A2M: variants seen among roughly 807,000 people sequenced by gnomAD.
A2M encodes the protein alpha-2-macroglobulin.
Under a neutral mutation model 183.9 loss-of-function variants are expected in A2M, and 128 were observed. The ratio of observed to expected loss-of-function variants is 0.70; its 90% CI spans 0.60 to 0.81. A2M has a LOEUF of 0.81. Among genes scored for constraint, A2M ranks in the 30% least tolerant of loss-of-function variants. The probability of loss-of-function intolerance (pLI) is 0.00; values close to 1 mark genes in which losing one functional copy is unlikely to be tolerated. For missense variants in A2M, 1,495 were observed against 1,787.6 expected (o/e 0.84, Z 2.95); for synonymous variants, 592 against 670.8 (o/e 0.88, Z 1.81).
At chr12:9,076,540 G>A (rs933582634) in intron 28 of A2M, among the ~76,000 whole-genome samples, 22 of 152,178 alleles carry the variant, frequency 1.4e-4, no homozygotes, top group African/African-American at 4.3e-4. Flanking sequence ...TAACCCCATC[G>A]TAATTGAGAA....
chr12:9,107,387 T>G (rs1253147009), intron 8 of A2M, 137 bp downstream of exon 8: 4 of 1,096,372 alleles, frequency 3.6e-6, no homozygotes, highest in Non-Finnish European at 5.1e-6. Context: ...TTCATGATTT[T>G]TTTTGAAAAA....
chr12:9,071,505 A>T (rs142960591), intron 31 of A2M, among the ~76,000 whole-genome samples: 6 of 152,236 alleles, frequency 3.9e-5, no homozygotes, highest in Middle Eastern at 3.4e-3. Flanking sequence ...AACTCGTGTC[A>T]TGGGGGTTTG....
intron 8 of A2M, 124 bp downstream of exon 8, chr12:9,107,400 A>G (rs1263724726): frequency 6.7e-6 from 8 of 1,202,320 alleles, no homozygotes; most frequent in Non-Finnish European, 9.1e-6. Flanking sequence ...TTGAAAAATT[A>G]CAATAGCCAA....
At chr12:9,074,888 A>C (rs754222906) in intron 28 of A2M, 105 bp from the exon 29 acceptor site, 24 of 1,182,762 alleles carry the variant, frequency 2.0e-5, no homozygotes, top group Non-Finnish European at 2.3e-5. Flanking sequence ...TGCCCATTAT[A>C]ATCCCCTGTA....
At chr12:9,098,430 TTA>T (rs56165810) in intron 15 of A2M, 175 bp downstream of exon 15, 1,532 of 283,388 alleles carry the variant, frequency 5.4e-3, no homozygotes, top group East Asian at 0.029. Flanking sequence ...AAGTGAGTAG[TTA>T]TATATATATA....
chr12:9,109,822 A>C, intron 6 of A2M, 45 bp downstream of exon 6: 1 of 1,541,082 alleles, frequency 6.5e-7, no homozygotes, highest in Non-Finnish European at 8.8e-7. Flanking sequence ...CTAAGAGTTT[A>C]AATATGAAGA....
chr12:9,115,671 A>G (rs1398694650), intron 1 of A2M, 93 bp downstream of exon 1: 20 of 924,158 alleles, frequency 2.2e-5, no homozygotes, highest in Non-Finnish European at 3.1e-5. Flanking sequence ...AGATGACAGT[A>G]TCATAGGAAA....
At chr12:9,072,985 T>C in intron 29 of A2M, 114 bp from the exon 30 acceptor site, 1 of 710,994 alleles carries the variant, frequency 1.4e-6, no homozygotes, top group Non-Finnish European at 2.3e-6. Context: ...CCTCACTACT[T>C]AAATATAGGA....
intron 22 of A2M, among the ~76,000 whole-genome samples, chr12:9,088,231 C>T (rs970942512): frequency 6.7e-6 from 1 of 149,974 alleles, no homozygotes; most frequent in African/African-American, 2.5e-5. Context: ...AGGGGGGTGA[C>T]ATTAACCTTT....
Position 9,068,833 on chromosome 12 carries a change from G to C in A2M, c.4273C>G (p.Gln1425Glu), listed in dbSNP as rs766672959. 4 of 1,593,208 alleles carry C rather than the reference G, an allele frequency of 2.5e-6. No homozygotes were observed. In the South Asian group the frequency reaches 4.7e-5, roughly 19 times the overall value. ...VLIYLDKVSNQTLSLFFTVLQ... is the reference protein window; with the variant it reads ...VLIYLDKVSNETLSLFFTVLQ... ...ACCGTGAAGAACAAGCTCAGTGTCT[G>C]ATTTGACACCTGGAAAGCAAAAGTC... Residue 1425 changes from glutamine (Q) to glutamate (E), a missense_variant, in exon 34 of 36, where the codon CAG becomes GAG. Gln to Glu is a conservative substitution (Grantham distance 29). Transcript: ENST00000318602.
intron 21 of A2M, 128 bp from the exon 22 acceptor site, chr12:9,089,379 G>A: frequency 1.4e-6 from 1 of 713,740 alleles, no homozygotes; most frequent in East Asian, 2.7e-5. Flanking sequence ...AGAAAATTCT[G>A]TACATATAAG....
chr12:9,080,191 C>A lies in A2M; in HGVS notation c.2771-14G>T. On this transcript the variant is annotated splice_polypyrimidine_tract_variant and intron_variant, in intron 22 of 35. Transcript: ENST00000318602. ...AAACCTCACCACCTAGAGAAATAAG[C>A]AAATCAGACATATGAAAATTATTTC... 6.6e-7 allele frequency: 1 copy of A among 1,515,640 alleles called. No homozygotes were observed. The highest frequency in any genetic ancestry group is 9.0e-7 in the Non-Finnish European group (1 of 1,107,294). The allele number at this position is 1,515,640 out of a possible 1,614,324, so 93.9% of individuals were successfully genotyped here.
chr12:9,077,249 A>G, intron 27 of A2M, 97 bp downstream of exon 27: 2 of 1,164,094 alleles, frequency 1.7e-6, no homozygotes, highest in Non-Finnish European at 2.5e-6. Flanking sequence ...AAGAAAGCTG[A>G]TGCTTTGCTT....
intron 34 of A2M, 56 bp from the exon 35 acceptor site, chr12:9,068,280 A>C: frequency 6.4e-7 from 1 of 1,568,520 alleles, no homozygotes; most frequent in Non-Finnish European, 8.6e-7. Flanking sequence ...GTGAGAAAGA[A>C]AGCAAACATC....
At position 9,101,143 on chromosome 12, in the gene A2M, C is replaced by T; in HGVS notation, c.1558+1G>A. 1 of 1,558,826 alleles carries T rather than the reference C, an allele frequency of 6.4e-7. No individual in the cohort carries two copies. ...AATGCAGAGATGATGGAAATACTCA[C>T]TGTCTTCCTGCTTCACAAGCAGTCC... On this transcript the variant is annotated splice_donor_variant, in intron 13 of 35. Transcript: ENST00000318602. LOFTEE classifies it high-confidence loss of function.
Position 9,080,160 on chromosome 12 carries a change from C to T in A2M, c.2788G>A (p.Glu930Lys). The T allele has an allele frequency of 1.9e-6, 3 of 1,583,202 alleles. No individual in the cohort carries two copies. The highest frequency in any genetic ancestry group is 2.6e-6 in the Non-Finnish European group (3 of 1,163,086). Residue 930 changes from glutamate to lysine, a missense_variant, in exon 23 of 36, where the codon GAA becomes AAA. By Grantham distance (56) the Glu-to-Lys change is moderately conservative. Coordinates refer to ENST00000318602, the MANE Select transcript of A2M (RefSeq NM_000014.6). The stretch of plus-strand genomic sequence containing the variant: ...TTTGGTGGCAGTTTCAGGGATAATT[C>T]TTCAGAAACCTCACCACCTAGAGAA... The part of the protein sequence containing the change: ...LCPSGGEVSE[E>K]LSLKLPPNVV...
chr12:9,094,370 T>TATAC (rs1287237519), intron 17 of A2M, among the ~76,000 whole-genome samples: 1 of 144,850 alleles, frequency 6.9e-6, no homozygotes, highest in East Asian at 2.0e-4. Context: ...TATATATATA[T>TATAC]ATATACCTAT....
At chr12:9,103,873 C>T (rs771513099) in intron 11 of A2M, among the ~76,000 whole-genome samples, 3 of 152,254 alleles carry the variant, frequency 2.0e-5, no homozygotes, top group East Asian at 1.9e-4. Context: ...GCTATGAACA[C>T]GGGTGTGCAA....
At chr12:9,097,863 T>C (rs226401) in intron 15 of A2M, among the ~76,000 whole-genome samples, 84,641 of 151,566 alleles carry the variant, frequency 0.56, 25,170 homozygotes, top group African/African-American at 0.76. Context: ...AAACTCCTGA[T>C]CTCAAGTTAT....
Sources: allele counts gnomAD v4.1 joint callset (sites outside exome capture counted in the v4.1 genomes callset), GRCh38; gene constraint gnomAD v4.1.1; transcripts MANE v1.5; gene names NCBI Gene and HGNC (gene_info 2026-07-23, HGNC 2026-07-21).